BCL2: variants seen among roughly 807,000 people sequenced by gnomAD.
BCL2 encodes the protein BCL2 apoptosis regulator, also known as apoptosis regulator Bcl-2.
Under a neutral mutation model 14.2 loss-of-function variants are expected in BCL2, and 1 was observed. The observed-to-expected ratio is 0.07, with a 90% confidence interval of 0.02 to 0.33. The LOEUF (loss-of-function observed/expected upper bound fraction) is 0.33. BCL2 is among the 10% of genes least tolerant of loss of function. The pLI is 0.99. For synonymous variants in BCL2, 151 were observed against 137.2 expected, an observed-to-expected ratio of 1.10 and a Z score of -0.70; for missense variants, 247 against 305.9, an observed-to-expected ratio of 0.81 and a Z score of 1.44.
In BCL2 at chr18:63,240,688, C is replaced by T. The variant is rs554129556; in HGVS notation, c.585+77394G>A. Reference sequence around the variant, plus strand: ...CTTTGTGCATTTCCCAATTCCCTGCCTTTGTCGGAGGCTCTCATCATCTCT... The same window carrying T: ...CTTTGTGCATTTCCCAATTCCCTGCTTTTGTCGGAGGCTCTCATCATCTCT... On this transcript the variant is annotated intron_variant, in intron 2 of 2. Coordinates refer to ENST00000333681, the MANE Select transcript of BCL2 (RefSeq NM_000633.3). Among the ~76,000 whole-genome samples the T allele has an allele frequency of 1.2e-4, 18 of 152,342 alleles. No homozygotes were observed. In the South Asian group the frequency reaches 3.7e-3, roughly 32 times the overall value.
chr18:63,272,697 CAT>C (rs1387955196), intron 2 of BCL2, among the ~76,000 whole-genome samples: 3 of 152,272 alleles, frequency 2.0e-5, no homozygotes, highest in East Asian at 1.9e-4. Flanking sequence ...CACTTTAACT[CAT>C]GTGTTTAGAG....
At position 63,302,249 on chromosome 18, in the gene BCL2, C is replaced by T. The variant is rs549835438; in HGVS notation, c.585+15833G>A. 100 of 782,738 alleles carry T rather than the reference C, an allele frequency of 1.3e-4. 1 individual carries two copies. In the South Asian group the frequency reaches 4.5e-3, roughly 36 times the overall value. The allele number at this position is 782,738 out of a possible 1,614,324, so 48.5% of individuals were successfully genotyped here. ...TCGGGAGGCTGAGGTTGCAGTGAGC[C>T]GGGACTGCACCACTGCACTCCAGCC... On this transcript the variant is annotated intron_variant, in intron 2 of 2. Coordinates refer to ENST00000333681, the MANE Select transcript of BCL2 (RefSeq NM_000633.3).
At chr18:63,230,025 T>C (rs938749510) in intron 2 of BCL2, among the ~76,000 whole-genome samples, 1 of 152,152 alleles carries the variant, frequency 6.6e-6, no homozygotes, top group African/African-American at 2.4e-5. Flanking sequence ...AATAAGGCAT[T>C]ATACAAGCTT....
At chr18:63,170,591 C>T (rs975438263) in intron 2 of BCL2, among the ~76,000 whole-genome samples, 25 of 152,186 alleles carry the variant, frequency 1.6e-4, no homozygotes, top group African/African-American at 5.1e-4. Context: ...AAGTCACATT[C>T]GGTATATGAC....
rs1555706677 is a variant in BCL2 at position 63,276,355 on chromosome 18, A to AC, written c.585+41726_585+41727insG. 3.3e-5 allele frequency among the ~76,000 whole-genome samples: 5 copies of AC among 152,098 alleles called. 1 individual carries two copies. Among genetic ancestry groups the AC allele is most frequent in the Middle Eastern group, 6.8e-3 (2 of 294 alleles). ...CAAAACCCAAAATGCTTGAAAAAGC[A>AC]TCTGGAAATCCATGGGGGCTGTTCT... is the stretch of plus-strand genomic sequence containing the variant. On this transcript the variant is annotated intron_variant, in intron 2 of 2. Transcript: ENST00000333681.
chr18:63,238,013 T>C lies in BCL2; in HGVS notation c.585+80069A>G, dbSNP rs369540946. On this transcript the variant is annotated intron_variant, in intron 2 of 2. Coordinates refer to ENST00000333681, the MANE Select transcript of BCL2 (RefSeq NM_000633.3). ...AAGATCCCAGTCTGAATAAACAATG[T>C]GGGTGGTGACTTTTCTGTGAGGCCC... is the stretch of plus-strand genomic sequence containing the variant. Among the ~76,000 whole-genome samples, 3 of 151,922 alleles carry C rather than the reference T, an allele frequency of 2.0e-5. No homozygotes were observed. In the East Asian group the frequency reaches 5.8e-4, roughly 29 times the overall value.
chr18:63,176,734 GA>G (rs1915358893), intron 2 of BCL2, among the ~76,000 whole-genome samples: 2 of 152,008 alleles, frequency 1.3e-5, no homozygotes, highest in Non-Finnish European at 2.9e-5. Context: ...TTTGTGTTGG[GA>G]ACATTTAAAA....
At chr18:63,153,675 C>T (rs1914706260) in intron 2 of BCL2, among the ~76,000 whole-genome samples, 2 of 152,246 alleles carry the variant, frequency 1.3e-5, no homozygotes, top group Middle Eastern at 3.4e-3. Context: ...CAGGGCAGAG[C>T]GGCCAGCCAA....
chr18:63,226,382 G>A (rs879532762), intron 2 of BCL2, among the ~76,000 whole-genome samples: 1 of 152,034 alleles, frequency 6.6e-6, no homozygotes, highest in African/African-American at 2.4e-5. Context: ...TGAGGGTGGG[G>A]CCCTCACTGG....
At chr18:63,237,295 C>G (rs1431907793) in intron 2 of BCL2, among the ~76,000 whole-genome samples, 1 of 152,166 alleles carries the variant, frequency 6.6e-6, no homozygotes, top group Non-Finnish European at 1.5e-5. Context: ...TCCCCTGAAG[C>G]TGCACCACAT....
chr18:63,275,967 G>A (rs1284263842), intron 2 of BCL2, among the ~76,000 whole-genome samples: 5 of 152,218 alleles, frequency 3.3e-5, no homozygotes, highest in Admixed American at 3.3e-4. Context: ...TGGTGGGAAG[G>A]GAGTGATGGT....
intron 2 of BCL2, among the ~76,000 whole-genome samples, chr18:63,152,840 T>C (rs927666789): frequency 1.3e-5 from 2 of 152,216 alleles, no homozygotes; most frequent in Non-Finnish European, 2.9e-5. Context: ...AATTTTTGTA[T>C]TTTCCACCTA....
chr18:63,300,694 G>A (rs1912939422), intron 2 of BCL2, among the ~76,000 whole-genome samples: 1 of 152,088 alleles, frequency 6.6e-6, no homozygotes, highest in African/African-American at 2.4e-5. Flanking sequence ...CTGTCTTGAT[G>A]ACTCAGTGGC....
intron 2 of BCL2, among the ~76,000 whole-genome samples, chr18:63,245,138 C>CAT (rs1041663121): frequency 6.6e-6 from 1 of 152,112 alleles, no homozygotes; most frequent in South Asian, 2.1e-4. Context: ...CCAAACGCTC[C>CAT]ATATATATAT....
At position 63,124,051 on chromosome 18, in the gene BCL2, A is replaced by G. The variant is rs927932340; in HGVS notation, c.*4574T>C. On this transcript the variant is annotated 3_prime_UTR_variant, in exon 3 of 3. Transcript: ENST00000333681. ...TATTTTTCTGGGGCAGTCCAGATGA[A>G]CCGGTACAGTACCATTCATGCTCCA... The G allele has an allele frequency of 8.6e-5, 19 of 221,772 alleles. No individual in the cohort carries two copies. The highest frequency in any genetic ancestry group is 1.8e-4 in the South Asian group (1 of 5,414). The allele number at this position is 221,772 out of a possible 1,614,324, so 13.7% of individuals were successfully genotyped here. A position where few individuals can be genotyped will look rare whatever the true frequency, so the allele number is the denominator to read the frequency against.
chr18:63,256,509 G>A (rs1224378111), intron 2 of BCL2, among the ~76,000 whole-genome samples: 1 of 152,230 alleles, frequency 6.6e-6, no homozygotes, highest in Non-Finnish European at 1.5e-5. Context: ...GAGCCACCAT[G>A]CCCGGCCAAC....
At chr18:63,225,223 G>T (rs1436248620) in intron 2 of BCL2, among the ~76,000 whole-genome samples, 1 of 152,080 alleles carries the variant, frequency 6.6e-6, no homozygotes, top group Non-Finnish European at 1.5e-5. Flanking sequence ...CATTTATTTT[G>T]ACAAAATAGT....
intron 2 of BCL2, among the ~76,000 whole-genome samples, chr18:63,206,509 A>G (rs1356455380): frequency 6.6e-6 from 1 of 152,132 alleles, no homozygotes; most frequent in Non-Finnish European, 1.5e-5. Context: ...TGCGAGGCTG[A>G]ATTTCCCTAA....
At chr18:63,262,541 TGTC>T (rs1911691729) in intron 2 of BCL2, among the ~76,000 whole-genome samples, 1 of 152,218 alleles carries the variant, frequency 6.6e-6, no homozygotes. Flanking sequence ...TATTTTGGTC[TGTC>T]TGTCCATCTG....
Sources: gnomAD v4.1 joint callset for allele counts (sites outside exome capture counted in the v4.1 genomes callset) on GRCh38, gnomAD v4.1.1 for gene constraint, MANE v1.5 for transcripts, NCBI Gene and HGNC (gene_info 2026-07-23, HGNC 2026-07-21) for gene names.